RBFOX3: variants seen among roughly 807,000 people sequenced by gnomAD.
The protein encoded by RBFOX3 is RNA binding fox-1 homolog 3.
RBFOX3 carries 17 observed loss-of-function variants against 48.7 expected under a neutral mutation model. The ratio of observed to expected loss-of-function variants is 0.35; its 90% CI spans 0.24 to 0.52. The LOEUF is 0.52. Ranked by LOEUF, RBFOX3 falls within the 20% of genes least tolerant of loss-of-function variation. RBFOX3 has a pLI of 0.94. For synonymous variants in RBFOX3, 212 were observed against 209.5 expected, an observed-to-expected ratio of 1.01 and a Z score of -0.10; for missense variants, 382 against 497.5, an observed-to-expected ratio of 0.77 and a Z score of 2.21.
At chr17:79,460,201 A>G (rs782761202) in intron 2 of RBFOX3, among the ~76,000 whole-genome samples, 2 of 152,124 alleles carry the variant, frequency 1.3e-5, no homozygotes, top group Non-Finnish European at 2.9e-5. Flanking sequence ...AATATTCTCA[A>G]TGTACTGAAT....
Position 79,424,002 on chromosome 17 carries a change from A to G in RBFOX3, c.-175+58452T>C, listed in dbSNP as rs1163564910. 2.6e-5 allele frequency: 4 copies of G among 152,950 alleles called. No individual in the cohort carries two copies. The East Asian group carries it at 7.7e-4, about 30-fold the overall frequency. The allele number at this position is 152,950 out of a possible 1,614,324, so 9.5% of individuals were successfully genotyped here. A position where few individuals can be genotyped will look rare whatever the true frequency, so the allele number is the denominator to read the frequency against. ...AGCCCAGGCACCCCTTCATCCAAGG[A>G]GACCTCCCTGCCCCTCAGTCCGAGT... On this transcript the variant is annotated intron_variant, in intron 2 of 14. Transcript: ENST00000693108.
Position 79,103,989 on chromosome 17 carries a change from C to T in RBFOX3, c.414+84G>A. 1 of 1,262,114 alleles carries T rather than the reference C, an allele frequency of 7.9e-7. No individual in the cohort carries two copies. The highest frequency in any genetic ancestry group is 1.1e-6 in the Non-Finnish European group (1 of 885,834). 78.2% of individuals were successfully genotyped at this position (1,262,114 alleles called of 1,614,324 possible). A position where few individuals can be genotyped will look rare whatever the true frequency, so the allele number is the denominator to read the frequency against. ...AGGGGTCCTCGGGCGCGAAGCTCTC[C>T]AGGAAGGAAACGCACATTTCACACG... On this transcript the variant is annotated intron_variant, in intron 7 of 14. Transcript: ENST00000693108. This position sits in a 1 kb window ranked among gnomAD's most constrained non-coding sequence, Gnocchi z 6.1.
intron 4 of RBFOX3, among the ~76,000 whole-genome samples, chr17:79,146,309 T>A (rs7217802): frequency 0.49 from 73,892 of 151,892 alleles, 18,808 homozygotes; most frequent in Non-Finnish European, 0.54. Flanking sequence ...CCCATCAGAG[T>A]CTGACCCAGC....
At chr17:79,263,657 C>T (rs1218723921) in intron 3 of RBFOX3, among the ~76,000 whole-genome samples, 1 of 152,148 alleles carries the variant, frequency 6.6e-6, no homozygotes, top group African/African-American at 2.4e-5. Flanking sequence ...CACACCCCCT[C>T]TGCCCCGAGC....
intron 2 of RBFOX3, among the ~76,000 whole-genome samples, chr17:79,451,665 C>A (rs148834255): frequency 6.6e-6 from 1 of 152,344 alleles, no homozygotes; most frequent in South Asian, 2.1e-4. Context: ...GGTGAGGAGG[C>A]AGCCCAGGCT....
intron 2 of RBFOX3, among the ~76,000 whole-genome samples, chr17:79,341,264 A>G (rs1392266772): frequency 6.6e-6 from 1 of 152,232 alleles, no homozygotes; most frequent in Non-Finnish European, 1.5e-5. Context: ...GTGTGTGCAC[A>G]GGTGTGCACA....
rs550377153 is a variant in RBFOX3 at position 79,207,458 on chromosome 17, G to A, written c.-34+28308C>T. On this transcript the variant is annotated intron_variant, in intron 4 of 14. Transcript: ENST00000693108. ...GCCTGGATGCTGCTCCACCCCTAGC[G>A]AGGCCTGCACTGTTCCCAGCGTGGC... is the stretch of plus-strand genomic sequence containing the variant. 7.2e-5 allele frequency among the ~76,000 whole-genome samples: 11 copies of A among 152,330 alleles called. No individual in the cohort carries two copies. The East Asian group carries it at 1.4e-3, about 19-fold the overall frequency.
At chr17:79,228,772 C>T (rs755236914) in intron 4 of RBFOX3, among the ~76,000 whole-genome samples, 13 of 152,140 alleles carry the variant, frequency 8.5e-5, no homozygotes, top group Non-Finnish European at 1.6e-4. Context: ...TCTTTATTTC[C>T]CCCATCACAG....
At chr17:79,146,929 T>G (rs1346898328) in intron 4 of RBFOX3, among the ~76,000 whole-genome samples, 1 of 152,198 alleles carries the variant, frequency 6.6e-6, no homozygotes, top group Non-Finnish European at 1.5e-5. Flanking sequence ...CTGCCCCCTT[T>G]GGCTTTAGCA....
the RBFOX3 span, among the ~76,000 whole-genome samples, chr17:79,642,431 A>G: frequency 2.0e-5 from 3 of 152,230 alleles, no homozygotes; most frequent in Admixed American, 6.5e-5. Context: ...TAACCATTTC[A>G]CAATGTATAT....
rs1356432816 is a variant in RBFOX3, at chr17:79,421,803, G to A, written c.-175+60651C>T. 9.2e-5 allele frequency among the ~76,000 whole-genome samples: 14 copies of A among 152,100 alleles called. No individual in the cohort carries two copies. Among genetic ancestry groups the A allele is most frequent in the African/African-American group, 3.1e-4 (13 of 41,412 alleles). ...TCCTTGAGGCCTTGGGACAAGGGCA[G>A]AGAGAGAGAAGGGGAAGGAAGTGAT... On this transcript the variant is annotated intron_variant, in intron 2 of 14. Transcript: ENST00000693108. The surrounding 1 kb of genome is among the most constrained non-coding windows in gnomAD (Gnocchi z 4.5).
intron 4 of RBFOX3, among the ~76,000 whole-genome samples, chr17:79,159,355 G>C (rs930919296): frequency 6.6e-6 from 1 of 152,084 alleles, no homozygotes; most frequent in Non-Finnish European, 1.5e-5. Context: ...GATGGCTCAG[G>C]GGCATGCCTG....
At chr17:79,389,694 C>A (rs2061085868) in intron 2 of RBFOX3, among the ~76,000 whole-genome samples, 2 of 152,184 alleles carry the variant, frequency 1.3e-5, no homozygotes, top group African/African-American at 4.8e-5. Flanking sequence ...AGACGACATG[C>A]CTTTCTTGTA....
At position 79,242,323 on chromosome 17, in the gene RBFOX3, C is replaced by T. The variant is rs562949641; in HGVS notation, c.-73-6518G>A. 4.4e-4 allele frequency among the ~76,000 whole-genome samples: 67 copies of T among 151,998 alleles called. No individual in the cohort carries two copies. Among genetic ancestry groups the T allele is most frequent in the African/African-American group, 1.1e-3 (47 of 41,462 alleles). ...TTGTGTTACTTCAGATTTTATGAAA[C>T]GATCTGTTTGTGCTCTTTCCCTAAG... On this transcript the variant is annotated intron_variant, in intron 3 of 14. Transcript: ENST00000693108. This position sits in a 1 kb window ranked among gnomAD's most constrained non-coding sequence, Gnocchi z 5.8.
intron 4 of RBFOX3, among the ~76,000 whole-genome samples, chr17:79,138,402 C>T (rs965750225): frequency 2.0e-5 from 3 of 152,186 alleles, no homozygotes; most frequent in Non-Finnish European, 2.9e-5. Flanking sequence ...TGCACACTCT[C>T]ATACTGTGAA....
chr17:79,128,313 T>G (rs1013192493), intron 4 of RBFOX3, among the ~76,000 whole-genome samples: 7 of 152,020 alleles, frequency 4.6e-5, no homozygotes, highest in Non-Finnish European at 1.0e-4. Flanking sequence ...AGGGGGGGAC[T>G]TTGCTTCCCA....
chr17:79,610,785 C>A (rs1200176215), intron 1 of RBFOX3, among the ~76,000 whole-genome samples, 41 bp downstream of exon 1: 2 of 152,038 alleles, frequency 1.3e-5, no homozygotes, highest in East Asian at 1.9e-4. Flanking sequence ...ATGGGAATGA[C>A]CGCCGCAGAG....
intron 2 of RBFOX3, among the ~76,000 whole-genome samples, chr17:79,441,075 A>AC (rs2070809717): frequency 6.6e-6 from 1 of 152,168 alleles, no homozygotes; most frequent in Admixed American, 6.5e-5. Context: ...GTGGATCAGG[A>AC]CCCCAGGAAA....
intron 3 of RBFOX3, among the ~76,000 whole-genome samples, chr17:79,240,324 T>A (rs2062174112): frequency 2.0e-5 from 3 of 152,278 alleles, no homozygotes; most frequent in African/African-American, 7.2e-5. Context: ...ATCAGACCAC[T>A]CCCACTCATT....
Sources: allele counts gnomAD v4.1 joint callset (sites outside exome capture counted in the v4.1 genomes callset), GRCh38; gene constraint gnomAD v4.1.1; non-coding constraint Gnocchi (gnomAD v3.1); transcripts MANE v1.5; gene names NCBI Gene and HGNC (gene_info 2026-07-23, HGNC 2026-07-21).